Variants in ERCC6L2 observed in about 807,000 individuals in gnomAD.
ERCC6L2 encodes DNA excision repair protein ERCC-6-like 2.
A neutral mutation model predicts 132.0 loss-of-function variants in ERCC6L2; 77 were observed. The observed-to-expected ratio is 0.58, with a 90% CI of 0.49 to 0.71. The LOEUF (loss-of-function observed/expected upper bound fraction) is 0.71, where lower values mean the gene tolerates loss of function less well. Ranked by LOEUF, ERCC6L2 falls within the 30% of genes least tolerant of loss-of-function variation. ERCC6L2 has a pLI of 0.00. For synonymous variants in ERCC6L2, 583 were observed against 632.4 expected (o/e 0.92, Z 1.17); for missense variants, 1,542 against 1,837.6 (o/e 0.84, Z 2.94).
At chr9:95,882,180 C>T (rs986626743) in intron 2 of ERCC6L2, among the ~76,000 whole-genome samples, 1 of 152,182 alleles carries the variant, frequency 6.6e-6, no homozygotes, top group East Asian at 1.9e-4. Context: ...AGTAGGAGGG[C>T]AAGAGACAGC....
rs1003791891 is a variant in ERCC6L2 at position 95,898,093 on chromosome 9, G to T, written c.594+122G>T. 9 of 902,178 alleles carry T rather than the reference G, an allele frequency of 1.0e-5. No individual in the cohort carries two copies. In the Admixed American group the frequency reaches 1.3e-4, roughly 13 times the overall value. The allele number at this position is 902,178 out of a possible 1,614,324, so 55.9% of individuals were successfully genotyped here. A position where few individuals can be genotyped will look rare whatever the true frequency, so the allele number is the denominator to read the frequency against. On this transcript the variant is annotated intron_variant, in intron 3 of 18. Transcript: ENST00000653738. ...ACATTTTAAAACCTAAGAATTTAAA[G>T]ATGTTATTAAAATATTTGTTTTATA...
intron 13 of ERCC6L2, among the ~76,000 whole-genome samples, chr9:95,962,501 T>G (rs1831954165): frequency 6.6e-6 from 1 of 152,196 alleles, no homozygotes; most frequent in African/African-American, 2.4e-5. Flanking sequence ...GATACCTATA[T>G]TACTTTGTGA....
At chr9:95,903,031 GAA>G (rs1828855651) in intron 3 of ERCC6L2, among the ~76,000 whole-genome samples, 2 of 151,976 alleles carry the variant, frequency 1.3e-5, no homozygotes, top group Non-Finnish European at 2.9e-5. Context: ...TGTTTGCCTA[GAA>G]AAGCCTTTTG....
intron 2 of ERCC6L2, among the ~76,000 whole-genome samples, chr9:95,887,785 A>G (rs1433501444): frequency 6.6e-6 from 1 of 152,202 alleles, no homozygotes; most frequent in Non-Finnish European, 1.5e-5. Context: ...ATACTAAAAT[A>G]TGAAGGTTCT....
intron 2 of ERCC6L2, among the ~76,000 whole-genome samples, chr9:95,891,563 A>G (rs1361289980): frequency 6.6e-6 from 1 of 150,396 alleles, no homozygotes; most frequent in Non-Finnish European, 1.5e-5. Flanking sequence ...TAGAATTGGA[A>G]TTAGTGGGTT....
At chr9:96,003,829 T>C (rs1480590034) in intron 17 of ERCC6L2, among the ~76,000 whole-genome samples, 2 of 152,228 alleles carry the variant, frequency 1.3e-5, no homozygotes, top group Admixed American at 6.5e-5. Context: ...ATTTCTCTTT[T>C]TGGAATAGGA....
chr9:95,950,218 A>G (rs1002101489), intron 12 of ERCC6L2, among the ~76,000 whole-genome samples: 1 of 152,208 alleles, frequency 6.6e-6, no homozygotes, highest in Non-Finnish European at 1.5e-5. Context: ...GCATAAAATA[A>G]TTATAAATCT....
chr9:96,039,307 A>G (rs560897229), intron 20 of ERCC6L2, among the ~76,000 whole-genome samples: 1 of 152,254 alleles, frequency 6.6e-6, no homozygotes, highest in Admixed American at 6.5e-5. Flanking sequence ...CATGTGGTGG[A>G]GTGATTAGTG....
chr9:95,941,576 ATC>A (rs757025386), intron 12 of ERCC6L2, 27 bp downstream of exon 12: 7 of 1,458,798 alleles, frequency 4.8e-6, no homozygotes, highest in Non-Finnish European at 6.7e-6. Flanking sequence ...ATTTAAAGTG[ATC>A]TGCAAATACT....
intron 4 of ERCC6L2, among the ~76,000 whole-genome samples, chr9:95,910,425 A>T (rs1234080644): frequency 6.6e-6 from 1 of 152,152 alleles, no homozygotes; most frequent in Non-Finnish European, 1.5e-5. Context: ...TTTATTGCCG[A>T]TGGTACTATT....
rs1248968439 is a variant in ERCC6L2, at chr9:95,875,850, C to T, written c.-189C>T. 8.3e-6 allele frequency: 5 copies of T among 603,070 alleles called. No individual in the cohort carries two copies. In the Admixed American group the frequency reaches 1.5e-4, roughly 18 times the overall value. 37.4% of individuals were successfully genotyped at this position (603,070 alleles called of 1,614,324 possible). On this transcript the variant is annotated 5_prime_UTR_variant, in exon 1 of 19. Transcript: ENST00000653738. The stretch of plus-strand genomic sequence containing the variant: ...CGTCGCCCTCCCGTTCTGCTTGGGT[C>T]CCCTTAGTCGCTACCTTTGCTGGGA...
chr9:95,974,411 T>C (rs925679888), intron 16 of ERCC6L2, among the ~76,000 whole-genome samples: 4 of 152,296 alleles, frequency 2.6e-5, no homozygotes, highest in South Asian at 4.1e-4. Context: ...TTCATTGCAA[T>C]TAATAATATT....
chr9:95,881,509 C>CAA (rs1444935459), intron 2 of ERCC6L2, among the ~76,000 whole-genome samples: 1 of 151,952 alleles, frequency 6.6e-6, no homozygotes, highest in Non-Finnish European at 1.5e-5. Context: ...TATTTTATTC[C>CAA]AAAATAATGT....
chr9:95,935,541 C>G (rs1350092044), intron 11 of ERCC6L2, among the ~76,000 whole-genome samples: 1 of 152,020 alleles, frequency 6.6e-6, no homozygotes, highest in Non-Finnish European at 1.5e-5. Flanking sequence ...AAGGATAGTT[C>G]AATACAGTAT....
intron 6 of ERCC6L2, 34 bp from the exon 7 acceptor site, chr9:95,921,141 A>G: frequency 6.4e-7 from 1 of 1,566,896 alleles, no homozygotes; most frequent in Non-Finnish European, 8.7e-7. Flanking sequence ...TATAAACAAA[A>G]TACTAATAAC....
chr9:95,944,458 A>G (rs890468140), intron 12 of ERCC6L2, among the ~76,000 whole-genome samples: 6 of 152,218 alleles, frequency 3.9e-5, no homozygotes, highest in Non-Finnish European at 5.9e-5. Flanking sequence ...TGATGGCTGG[A>G]AAACTGAATT....
At chr9:95,998,945 A>G (rs909597483) in intron 17 of ERCC6L2, among the ~76,000 whole-genome samples, 7 of 152,238 alleles carry the variant, frequency 4.6e-5, no homozygotes, top group Non-Finnish European at 8.8e-5. Flanking sequence ...TATTTTTAAT[A>G]TAACTATTTT....
chr9:95,980,646 A>G (rs534618955), intron 17 of ERCC6L2, among the ~76,000 whole-genome samples: 1 of 152,188 alleles, frequency 6.6e-6, no homozygotes, highest in Non-Finnish European at 1.5e-5. Context: ...CACACTCATC[A>G]TCTTTGGCTA....
intron 2 of ERCC6L2, among the ~76,000 whole-genome samples, chr9:95,892,130 C>T (rs541584206): frequency 1.6e-4 from 24 of 151,920 alleles, no homozygotes; most frequent in Admixed American, 1.5e-3. Flanking sequence ...ACTATTATTT[C>T]TATATGTTAT....
Sources: allele counts gnomAD v4.1 joint callset (sites outside exome capture counted in the v4.1 genomes callset), GRCh38; gene constraint gnomAD v4.1.1; transcripts MANE v1.5; gene names NCBI Gene and HGNC (gene_info 2026-07-23, HGNC 2026-07-21).